CCDC3: variants seen among roughly 807,000 people sequenced by gnomAD.
CCDC3 encodes the protein coiled-coil domain-containing protein 3.
In CCDC3, 24 loss-of-function variants were observed where a neutral mutation model predicts 21.4. That is an observed-to-expected ratio of 1.12 (90% CI 0.81 to 1.58). The LOEUF (loss-of-function observed/expected upper bound fraction) is 1.58, where lower values mean the gene tolerates loss of function less well. Ranked by LOEUF, CCDC3 falls within the 40% of genes most tolerant of loss-of-function variation. The pLI is 0.00. For missense variants in CCDC3, 425 were observed against 360.9 expected (o/e 1.18, Z -1.44); for synonymous variants, 186 against 166.0 (o/e 1.12, Z -0.93).
intron 3 of CCDC3, among the ~76,000 whole-genome samples, chr10:13,092,822 A>T (rs1432675067): frequency 6.6e-6 from 1 of 152,242 alleles, no homozygotes; most frequent in African/African-American, 2.4e-5. Flanking sequence ...TTACTGCTCC[A>T]GAAGACAATG....
chr10:13,051,909 G>A lies in CCDC3; in HGVS notation c.-269-1968C>T, dbSNP rs1836613249. 3.3e-5 allele frequency among the ~76,000 whole-genome samples: 5 copies of A among 152,230 alleles called. No homozygotes were observed. The South Asian group carries it at 1.0e-3, about 32-fold the overall frequency. Reference sequence around the variant, plus strand: ...GCTTGGACAGGACAATGCAGAAATGGCCTGGAGCTCATGACTATGCTATGG... The same window carrying A: ...GCTTGGACAGGACAATGCAGAAATGACCTGGAGCTCATGACTATGCTATGG... On this transcript the variant is annotated intron_variant, in intron 4 of 6. Coordinates refer to the CCDC3 transcript ENST00000378839.
intron 2 of CCDC3, among the ~76,000 whole-genome samples, chr10:12,983,681 A>G (rs571913853): frequency 1.1e-3 from 163 of 151,936 alleles, no homozygotes; most frequent in Non-Finnish European, 1.8e-3. Context: ...AAAAAAAAAA[A>G]AATGGGCAAA....
intron 3 of CCDC3, among the ~76,000 whole-genome samples, chr10:13,087,344 C>T (rs938947900): frequency 7.4e-5 from 11 of 149,464 alleles, no homozygotes; most frequent in African/African-American, 2.5e-4. Flanking sequence ...GTAGAGGTTG[C>T]GGTGAGCTGA....
At chr10:12,989,884 G>C (rs1353770028) in intron 2 of CCDC3, among the ~76,000 whole-genome samples, 1 of 152,012 alleles carries the variant, frequency 6.6e-6, no homozygotes, top group Non-Finnish European at 1.5e-5. Context: ...AGTGGGACCA[G>C]ATGATTCTAG....
At chr10:13,057,951 C>T in intron 4 of CCDC3, 1 of 607,728 alleles carries the variant, frequency 1.6e-6, no homozygotes. Context: ...GCAGCATGAG[C>T]TTTCTTGTGT....
intron 2 of CCDC3, among the ~76,000 whole-genome samples, chr10:12,903,554 G>C (rs1834125010): frequency 6.6e-6 from 1 of 152,208 alleles, no homozygotes; most frequent in African/African-American, 2.4e-5. Flanking sequence ...AAGAACCAAA[G>C]AGAATGTCCT....
At chr10:13,084,205 C>T (rs1392236192) in intron 3 of CCDC3, among the ~76,000 whole-genome samples, 3 of 152,014 alleles carry the variant, frequency 2.0e-5, no homozygotes, top group African/African-American at 4.8e-5. Flanking sequence ...CTAGGGTGGA[C>T]ATGTTTCTTC....
At chr10:12,997,852 C>T (rs1355913234) in intron 2 of CCDC3, among the ~76,000 whole-genome samples, 1 of 151,978 alleles carries the variant, frequency 6.6e-6, no homozygotes, top group African/African-American at 2.4e-5. Context: ...TCTTTTGGGC[C>T]CCATTGGAAG....
chr10:13,073,564 TC>T, intron 4 of CCDC3, among the ~76,000 whole-genome samples: 1 of 118,944 alleles, frequency 8.4e-6, no homozygotes, highest in Non-Finnish European at 1.9e-5. Context: ...CACTGCAACC[TC>T]CCCCTCCTAG....
rs941098354 is a variant in CCDC3 at position 13,051,262 on chromosome 10, C to T, written c.-269-1321G>A. 2.6e-5 allele frequency among the ~76,000 whole-genome samples: 4 copies of T among 152,296 alleles called. No individual in the cohort carries two copies. In the East Asian group the frequency reaches 5.8e-4, roughly 22 times the overall value. ...GGAGGAAGAGGGATTACTTCTCACC[C>T]AGCAAGGCCACTCCAGCGCTGGTTC... On this transcript the variant is annotated intron_variant, in intron 4 of 6. Transcript: ENST00000378839.
intron 3 of CCDC3, among the ~76,000 whole-genome samples, chr10:13,084,330 G>T (rs1179773831): frequency 3.5e-5 from 5 of 144,216 alleles, no homozygotes; most frequent in Non-Finnish European, 7.5e-5. Context: ...TTGTTGCCCA[G>T]GCTGGAATGC....
In CCDC3 at chr10:12,904,204, C is replaced by T. The variant is rs188421560; in HGVS notation, c.550-5525G>A. On this transcript the variant is annotated intron_variant, in intron 2 of 2. Transcript: ENST00000378825. Reference sequence around the variant, plus strand: ...TCACTAGGCCGGGCATGGTGGCTCTCGCCTGTAATCCCAGCACTTTGCGAG... The same window carrying T: ...TCACTAGGCCGGGCATGGTGGCTCTTGCCTGTAATCCCAGCACTTTGCGAG... Among the ~76,000 whole-genome samples, 1,390 of 152,118 alleles carry T rather than the reference C, an allele frequency of 9.1e-3. 9 individuals are homozygous for T. The highest frequency in any genetic ancestry group is 0.024 in the African/African-American group (977 of 41,490).
intron 5 of CCDC3, among the ~76,000 whole-genome samples, chr10:13,027,436 C>T (rs968924091): frequency 6.6e-6 from 1 of 152,106 alleles, no homozygotes; most frequent in African/African-American, 2.4e-5. Context: ...ATGAAGTCTT[C>T]CCCTGTCTCT....
intron 2 of CCDC3, among the ~76,000 whole-genome samples, chr10:12,900,640 G>C (rs1429033051): frequency 7.0e-6 from 1 of 141,854 alleles, no homozygotes; most frequent in Non-Finnish European, 1.5e-5. Context: ...GCAGTGAGCC[G>C]AGATCGCGCC....
At chr10:12,905,774 A>G (rs1018355505) in intron 2 of CCDC3, among the ~76,000 whole-genome samples, 2 of 152,214 alleles carry the variant, frequency 1.3e-5, no homozygotes, top group African/African-American at 4.8e-5. Flanking sequence ...ATGAGCCTAG[A>G]GCAAGCCCCT....
intron 5 of CCDC3, among the ~76,000 whole-genome samples, chr10:13,014,458 G>GAAAAAA (rs59613788): frequency 1.3e-5 from 1 of 78,400 alleles, no homozygotes; most frequent in African/African-American, 5.4e-5. Flanking sequence ...TCAAAAAAAA[G>GAAAAAA]AAAAAAAAAA....
At chr10:13,030,301 T>C (rs1163516715) in intron 5 of CCDC3, among the ~76,000 whole-genome samples, 1 of 152,206 alleles carries the variant, frequency 6.6e-6, no homozygotes, top group Non-Finnish European at 1.5e-5. Flanking sequence ...TGAGAGATTT[T>C]GTTACCACCA....
At chr10:12,952,887 C>T (rs1005165941) in intron 2 of CCDC3, among the ~76,000 whole-genome samples, 2 of 152,110 alleles carry the variant, frequency 1.3e-5, no homozygotes, top group Non-Finnish European at 2.9e-5. Flanking sequence ...TTTCTATCAT[C>T]CTCTTGCAGT....
intron 2 of CCDC3, among the ~76,000 whole-genome samples, chr10:12,971,102 G>A (rs1357685495): frequency 1.3e-5 from 2 of 152,178 alleles, no homozygotes; most frequent in African/African-American, 2.4e-5. Flanking sequence ...TACCGTTAAT[G>A]TGAATCAGAT....
Sources: gnomAD v4.1 joint callset for allele counts (sites outside exome capture counted in the v4.1 genomes callset) on GRCh38, gnomAD v4.1.1 for gene constraint, MANE v1.5 for transcripts, NCBI Gene and HGNC (gene_info 2026-07-23, HGNC 2026-07-21) for gene names.